The following CDK5RAP2 variants were observed in gnomAD, a reference collection of about 807,000 sequenced individuals.
The protein encoded by CDK5RAP2 is CDK5 regulatory subunit-associated protein 2.
Under a neutral mutation model 232.9 loss-of-function variants are expected in CDK5RAP2, and 147 were observed. The observed-to-expected ratio is 0.63, with a 90% CI of 0.55 to 0.72. The LOEUF is 0.72. CDK5RAP2 is among the 30% of genes least tolerant of loss of function. The pLI is 0.00. For synonymous variants in CDK5RAP2, 833 were observed against 833.7 expected, an observed-to-expected ratio of 1.00 and a Z score of 0.01; for missense variants, 2,195 against 2,231.5, an observed-to-expected ratio of 0.98 and a Z score of 0.33.
chr9:120,563,942 C>T (rs929000921), intron 3 of CDK5RAP2, among the ~76,000 whole-genome samples: 1 of 152,218 alleles, frequency 6.6e-6, no homozygotes, highest in Admixed American at 6.5e-5. Flanking sequence ...GCCAACATCT[C>T]AGGGCAGGTG....
chr9:120,447,531 C>T (rs1279795182), intron 22 of CDK5RAP2, among the ~76,000 whole-genome samples: 1 of 152,204 alleles, frequency 6.6e-6, no homozygotes, highest in Admixed American at 6.5e-5. Flanking sequence ...TTACAGAGAA[C>T]CCTGCAAAGT....
intron 10 of CDK5RAP2, among the ~76,000 whole-genome samples, 186 bp from the exon 11 acceptor site, chr9:120,525,264 T>TAAAG (rs1416473541): frequency 1.3e-5 from 2 of 152,306 alleles, no homozygotes; most frequent in East Asian, 3.9e-4. Flanking sequence ...GTACTTAACA[T>TAAAG]CTTTGAGACT....
chr9:120,546,103 A>G (rs2041830899), intron 4 of CDK5RAP2, among the ~76,000 whole-genome samples: 1 of 152,210 alleles, frequency 6.6e-6, no homozygotes, highest in Non-Finnish European at 1.5e-5. Flanking sequence ...TAAAAATTGT[A>G]TGCCCTCCAC....
At position 120,580,110 on chromosome 9, in the gene CDK5RAP2, C is replaced by G. The variant is rs1441653589; in HGVS notation, c.-132G>C. ...GCTCTTGTTCAGACTCTGGCGGCGC[C>G]GCTGGAATTCAAACCACAGACGCCG... On this transcript the variant is annotated 5_prime_UTR_variant, in exon 1 of 38. Transcript: ENST00000349780. 6 of 593,532 alleles carry G rather than the reference C, an allele frequency of 1.0e-5. No individual in the cohort carries two copies. The highest frequency in any genetic ancestry group is 1.8e-5 in the Non-Finnish European group (6 of 327,014). The allele number at this position is 593,532 out of a possible 1,614,324, so 36.8% of individuals were successfully genotyped here.
intron 14 of CDK5RAP2, among the ~76,000 whole-genome samples, chr9:120,485,219 T>G (rs1733195971): frequency 6.6e-6 from 1 of 150,670 alleles, no homozygotes; most frequent in South Asian, 2.1e-4. Flanking sequence ...AACAAAATGA[T>G]AAAACTGAAA....
intron 20 of CDK5RAP2, among the ~76,000 whole-genome samples, chr9:120,454,460 C>T (rs2036642231): frequency 1.3e-5 from 2 of 152,224 alleles, no homozygotes; most frequent in Non-Finnish European, 2.9e-5. Flanking sequence ...TCTAACTCTA[C>T]AATTCTCTGA....
chr9:120,391,031 C>T (rs2031910275), intron 36 of CDK5RAP2, among the ~76,000 whole-genome samples: 1 of 152,128 alleles, frequency 6.6e-6, no homozygotes, highest in South Asian at 2.1e-4. Context: ...TGACATGGGG[C>T]CCTGGATATG....
Position 120,467,925 on chromosome 9 carries a change from G to C in CDK5RAP2, c.2041C>G (p.Leu681Val), listed in dbSNP as rs573167947. ...TTTCCCTGGAAACCCATGCAGGAGA[G>C]ATCAAAAATGGTTTTCTTCAGGTGC... ...NQHLKKTIFDLSCMGFQGNGF... is the reference protein window; with the variant it reads ...NQHLKKTIFDVSCMGFQGNGF... The change falls in exon 18 of 38, where the codon CTC becomes GTC. Residue 681 changes from leucine (L) to valine (V), a missense_variant. Coordinates refer to ENST00000349780, the MANE Select transcript of CDK5RAP2 (RefSeq NM_018249.6). The C allele has an allele frequency of 1.9e-6, 3 of 1,614,092 alleles. No homozygotes were observed. Among genetic ancestry groups the C allele is most frequent in the South Asian group, 1.1e-5 (1 of 91,078 alleles).
intron 2 of CDK5RAP2, among the ~76,000 whole-genome samples, chr9:120,569,469 A>G (rs2042766619): frequency 6.7e-6 from 1 of 150,280 alleles, no homozygotes; most frequent in African/African-American, 2.4e-5. Context: ...GAAGGTCTCA[A>G]TGAGAAGGTG....
rs113129426 is a variant in CDK5RAP2 at position 120,521,731 on chromosome 9, C to T, written c.1093-3086G>A. On this transcript the variant is annotated intron_variant, in intron 11 of 37. Coordinates refer to ENST00000349780, the MANE Select transcript of CDK5RAP2 (RefSeq NM_018249.6). ...CGCGATCTCGGCTCACTGCAAGCTC[C>T]GCCTCCCGGGTTCACACCATTCTCC... Among the ~76,000 whole-genome samples the T allele has an allele frequency of 3.4e-4, 51 of 150,968 alleles. No homozygotes were observed. In the East Asian group the frequency reaches 7.4e-3, roughly 22 times the overall value.
In CDK5RAP2 at chr9:120,439,600, A is replaced by C; in HGVS notation, c.3521T>G (p.Leu1174Trp). The change falls in exon 24 of 38, where the codon TTG becomes TGG. Residue 1174 changes from leucine to tryptophan, a missense_variant. Coordinates refer to ENST00000349780, the MANE Select transcript of CDK5RAP2 (RefSeq NM_018249.6). ...SDGEEMTFSS[L>W]HQVRYVKHVK... The stretch of plus-strand genomic sequence containing the variant: ...GTGTTTCACGTATCGCACTTGGTGC[A>C]AACTTGAAAAGGTCATTTCTTCCCC... The C allele has an allele frequency of 2.5e-6, 4 of 1,614,218 alleles. No homozygotes were observed. The highest frequency in any genetic ancestry group is 1.3e-5 in the African/African-American group (1 of 75,070).
chr9:120,579,615 C>A lies in CDK5RAP2; in HGVS notation c.59+305G>T, dbSNP rs2043164544. ...GGTCCCTGTTCTCCACCAATCCCCACTAACGGGATACTCCAAGTGGCCCCA... is the reference window on the plus strand; with the variant it reads ...GGTCCCTGTTCTCCACCAATCCCCAATAACGGGATACTCCAAGTGGCCCCA... On this transcript the variant is annotated intron_variant, in intron 1 of 37. Transcript: ENST00000349780. Among the ~76,000 whole-genome samples the A allele has an allele frequency of 2.0e-5, 3 of 152,360 alleles. No homozygotes were observed. In the South Asian group the frequency reaches 6.2e-4, roughly 32 times the overall value.
chr9:120,508,964 A>G (rs1054250470), intron 12 of CDK5RAP2, among the ~76,000 whole-genome samples: 1 of 152,212 alleles, frequency 6.6e-6, no homozygotes, highest in African/African-American at 2.4e-5. Context: ...CAGAAATGAT[A>G]AAATGAGAGG....
At chr9:120,497,441 A>AAAAAAAAAAAAAAAAAC (rs2039356739) in intron 12 of CDK5RAP2, among the ~76,000 whole-genome samples, 1 of 144,564 alleles carries the variant, frequency 6.9e-6, no homozygotes, top group Non-Finnish European at 1.5e-5. Context: ...AAAAAAAAAA[A>AAAAAAAAAAAAAAAAAC]AAAAAAAAAA....
At chr9:120,396,418 C>T (rs1420355494) in intron 35 of CDK5RAP2, among the ~76,000 whole-genome samples, 1 of 152,236 alleles carries the variant, frequency 6.6e-6, no homozygotes, top group East Asian at 1.9e-4. Flanking sequence ...TAGAGTGAGA[C>T]TCAAATGAGA....
intron 37 of CDK5RAP2, 90 bp from the exon 38 acceptor site, chr9:120,389,382 T>C: frequency 9.8e-7 from 1 of 1,016,704 alleles, no homozygotes; most frequent in East Asian, 2.6e-5. Flanking sequence ...GAGACTGTTA[T>C]TCTCAAAGTG....
At chr9:120,569,167 C>T (rs142821725) in intron 2 of CDK5RAP2, among the ~76,000 whole-genome samples, 3 of 152,188 alleles carry the variant, frequency 2.0e-5, no homozygotes, top group Admixed American at 6.5e-5. Context: ...GAATAAAGCC[C>T]GTGGCACTTT....
At chr9:120,506,710 A>G (rs184070864) in intron 12 of CDK5RAP2, among the ~76,000 whole-genome samples, 1 of 152,374 alleles carries the variant, frequency 6.6e-6, no homozygotes, top group Non-Finnish European at 1.5e-5. Flanking sequence ...AAATAGCAAG[A>G]GAACTAGAAG....
intron 5 of CDK5RAP2, among the ~76,000 whole-genome samples, chr9:120,541,755 G>A (rs2041642784): frequency 6.6e-6 from 1 of 152,168 alleles, no homozygotes; most frequent in African/African-American, 2.4e-5. Flanking sequence ...CCACATAACT[G>A]ATCAAATGCA....
Sources: allele counts gnomAD v4.1 joint callset (sites outside exome capture counted in the v4.1 genomes callset), GRCh38; gene constraint gnomAD v4.1.1; transcripts MANE v1.5; gene names NCBI Gene and HGNC (gene_info 2026-07-23, HGNC 2026-07-21).